MYO1F: variants seen among roughly 807,000 people sequenced by gnomAD.
MYO1F encodes unconventional myosin-If.
MYO1F carries 60 observed loss-of-function variants against 146.6 expected under a neutral mutation model. The ratio of observed to expected loss-of-function variants is 0.41; its 90% CI spans 0.33 to 0.51. MYO1F has a LOEUF of 0.51. MYO1F is among the 20% of genes least tolerant of loss of function. MYO1F has a pLI of 0.25. For missense variants in MYO1F, 1,274 were observed against 1,534.3 expected, an observed-to-expected ratio of 0.83 and a Z score of 2.83; for synonymous variants, 602 against 602.1, an observed-to-expected ratio of 1.00 and a Z score of 0.00.
chr19:8,544,254 G>T (rs1216232669), intron 14 of MYO1F, 43 bp downstream of exon 14: 8 of 1,607,502 alleles, frequency 5.0e-6, no homozygotes, highest in African/African-American at 4.0e-5. Context: ...AGCCCTGGGG[G>T]TCTGCGAGGA....
At chr19:8,575,783 G>A (rs756888709) in intron 1 of MYO1F, among the ~76,000 whole-genome samples, 2 of 152,112 alleles carry the variant, frequency 1.3e-5, no homozygotes, top group Admixed American at 6.6e-5. Flanking sequence ...CTGCCAAGCC[G>A]ACTGTTGACT....
At chr19:8,555,230 C>G (rs1011183541) in intron 2 of MYO1F, among the ~76,000 whole-genome samples, 13 of 151,606 alleles carry the variant, frequency 8.6e-5, no homozygotes, top group African/African-American at 3.1e-4. Context: ...ATTAGCCAGG[C>G]ATGGTGGCGC....
rs112415550 is a variant in MYO1F, at chr19:8,570,319, C to A, written c.3+6988G>T. On this transcript the variant is annotated intron_variant, in intron 1 of 27. Transcript: ENST00000644032. ...TCCTGACCTCAGGCAATCCACTCAT[C>A]TCGGCCTCCCAAAGTGCTGGGATTA... Among the ~76,000 whole-genome samples, 1,442 of 152,108 alleles carry A rather than the reference C, an allele frequency of 9.5e-3. 27 individuals are homozygous for A. The highest frequency in any genetic ancestry group is 0.033 in the African/African-American group (1,364 of 41,478).
At chr19:8,546,499 G>A (rs572300208) in intron 12 of MYO1F, among the ~76,000 whole-genome samples, 18 of 151,764 alleles carry the variant, frequency 1.2e-4, no homozygotes, top group African/African-American at 2.9e-4. Flanking sequence ...AGCTGGGACC[G>A]TAGGAGCACA....
At chr19:8,544,223 A>T (rs1200061380) in intron 14 of MYO1F, 74 bp downstream of exon 14, 11 of 1,421,268 alleles carry the variant, frequency 7.7e-6, no homozygotes, top group Non-Finnish European at 1.0e-5. Context: ...TGGGTGCTGG[A>T]GGGTGGGGGC....
intron 25 of MYO1F, among the ~76,000 whole-genome samples, chr19:8,523,035 CTTT>C (rs34428318): frequency 7.0e-6 from 1 of 142,846 alleles, no homozygotes. Context: ...TTATTTTTTA[CTTT>C]TTTTTTTTTT....
At chr19:8,543,714 GTGGTGGTGGTGCTGGTGGTGC>G (rs1973109628) in intron 14 of MYO1F, among the ~76,000 whole-genome samples, 1 of 18,006 alleles carries the variant, frequency 5.6e-5, no homozygotes, top group Non-Finnish European at 1.2e-4. Context: ...GGTGCTGGTG[GTGGTGGTGGTGCTGGTGGTGC>G]TGGTGGTGCT....
chr19:8,570,556 AG>A (rs1293262611), intron 1 of MYO1F, among the ~76,000 whole-genome samples: 2 of 148,824 alleles, frequency 1.3e-5, no homozygotes, highest in African/African-American at 2.5e-5. Context: ...TAGTAGAGAC[AG>A]GGTTTCACCA....
chr19:8,545,584 C>T, intron 13 of MYO1F, 66 bp downstream of exon 13: 3 of 1,368,472 alleles, frequency 2.2e-6, no homozygotes, highest in South Asian at 2.3e-5. Context: ...GGCCCTCCCC[C>T]TCATCTTCCA....
At chr19:8,563,340 C>T (rs1459550239) in intron 1 of MYO1F, among the ~76,000 whole-genome samples, 2 of 149,298 alleles carry the variant, frequency 1.3e-5, no homozygotes, top group Non-Finnish European at 3.0e-5. Flanking sequence ...CTCTATCGCC[C>T]AGGCTGGAGT....
chr19:8,526,481 G>A lies in MYO1F; in HGVS notation c.2742C>T (p.Ser914=). ...LKVGGRTLTV[S]VGDGLPKSSK... ...AGCTCTTGGGCAGCCCATCGCCCAC[G>A]CTGACCGTGAGGGTCCGACCGCCAA... The change falls in exon 24 of 28, where the codon AGC becomes AGT. Residue 914 remains serine (S), a synonymous_variant. Transcript: ENST00000644032. 1 of 1,565,242 alleles carries A rather than the reference G, an allele frequency of 6.4e-7. No homozygotes were observed.
rs1290730235 is a variant in MYO1F at position 8,530,128 on chromosome 19, C to T, written c.2328+68G>A. 2.5e-6 allele frequency: 4 copies of T among 1,596,446 alleles called. No individual in the cohort carries two copies. Among genetic ancestry groups the T allele is most frequent in the Admixed American group, 1.7e-5 (1 of 59,942 alleles). The stretch of plus-strand genomic sequence containing the variant: ...GGGGATATCTGGCTGTGGGCAGGTG[C>T]ATCTGGGCCAGGTGAGGGTGCCAGG... On this transcript the variant is annotated intron_variant, in intron 21 of 27. Coordinates refer to ENST00000644032, the MANE Select transcript of MYO1F (RefSeq NM_012335.4). The surrounding 1 kb of genome is among the most constrained non-coding windows in gnomAD (Gnocchi z 5.8).
intron 1 of MYO1F, among the ~76,000 whole-genome samples, chr19:8,561,383 C>CTCCCT (rs1202910061): frequency 1.9e-5 from 2 of 107,492 alleles, no homozygotes; most frequent in African/African-American, 7.2e-5. Flanking sequence ...CCTCCCTTCC[C>CTCCCT]CCCTTCTTTC....
rs752994826 is a variant in MYO1F, at chr19:8,527,433, C to T, written c.2379G>A (p.Gly793=). 3.1e-6 allele frequency: 5 copies of T among 1,613,952 alleles called. No homozygotes were observed. The highest frequency in any genetic ancestry group is 3.3e-5 in the Admixed American group (2 of 59,968). ...CAGGTCCCTTCTTCACTTTCTCTCG[C>T]CCAATCACATACACACACTTGGGCG... ...ILTPKCVYVI[G]REKVKKGPEK... The change falls in exon 22 of 28, where the codon GGG becomes GGA. Residue 793 remains glycine, a synonymous_variant. Coordinates refer to ENST00000644032, the MANE Select transcript of MYO1F (RefSeq NM_012335.4).
intron 25 of MYO1F, among the ~76,000 whole-genome samples, chr19:8,523,309 A>G (rs190628244): frequency 0.02 from 2,999 of 152,228 alleles, 32 homozygotes; most frequent in Non-Finnish European, 0.03. Flanking sequence ...CTGGGATTAC[A>G]GGCATGAGCC....
intron 14 of MYO1F, among the ~76,000 whole-genome samples, chr19:8,543,696 G>GTGGTGCTGGTGGTGGTGGTGGTGGTGC (rs1973100803): frequency 9.5e-5 from 2 of 21,032 alleles, no homozygotes; most frequent in African/African-American, 3.4e-4. Flanking sequence ...GGTGGTGGTG[G>GTGGTGCTGGTGGTGGTGGTGGTGGTGC]TGGTGGTGGT....
intron 14 of MYO1F, among the ~76,000 whole-genome samples, chr19:8,543,735 CTGGTGGTGCTGGTGGTGG>C (rs1973119197): frequency 1.8e-4 from 2 of 11,210 alleles, no homozygotes; most frequent in African/African-American, 5.0e-4. Context: ...GCTGGTGGTG[CTGGTGGTGCTGGTGGTGG>C]TGGTGGTGGT....
At chr19:8,531,083 C>T (rs1450519875) in intron 19 of MYO1F, among the ~76,000 whole-genome samples, 1 of 151,742 alleles carries the variant, frequency 6.6e-6, no homozygotes, top group Non-Finnish European at 1.5e-5. Context: ...GCTGGTGGCT[C>T]ATGCCTATAA....
chr19:8,550,508 G>A (rs572573901), intron 9 of MYO1F, 54 bp downstream of exon 9: 15 of 1,613,654 alleles, frequency 9.3e-6, no homozygotes, highest in Admixed American at 6.7e-5. Flanking sequence ...CTAGGAGGAC[G>A]CAGTTCACCC....
Sources: allele counts gnomAD v4.1 joint callset (sites outside exome capture counted in the v4.1 genomes callset), GRCh38; gene constraint gnomAD v4.1.1; non-coding constraint Gnocchi (gnomAD v3.1); transcripts MANE v1.5; gene names NCBI Gene and HGNC (gene_info 2026-07-23, HGNC 2026-07-21).